The following CD86 variants were observed in gnomAD, a reference collection of about 807,000 sequenced individuals.
The protein encoded by CD86 is CD86 molecule, also known as T-lymphocyte activation antigen CD86.
In CD86, 11 loss-of-function variants were observed where a neutral mutation model predicts 32.1. The ratio of observed to expected loss-of-function variants is 0.34; its 90% CI spans 0.22 to 0.57. CD86 has a LOEUF of 0.57. Ranked by LOEUF, CD86 falls within the 20% of genes least tolerant of loss-of-function variation. The pLI is 0.86. For synonymous variants in CD86, 137 were observed against 135.3 expected, an observed-to-expected ratio of 1.01 and a Z score of -0.09; for missense variants, 359 against 398.4, an observed-to-expected ratio of 0.90 and a Z score of 0.84.
At chr3:122,118,017 A>C (rs1274526629) in intron 5 of CD86, 31 bp from the exon 6 acceptor site, 1 of 1,600,584 alleles carries the variant, frequency 6.2e-7, no homozygotes, top group Non-Finnish European at 8.6e-7. Context: ...GGAGGAATAC[A>C]TTTTTGAAGA....
rs759696095 is a variant in CD86, at chr3:122,103,651, A to G, written c.204A>G (p.Val68=). ...QDQENLVLNE[V]YLGKEKFDSV... ...AGGAAAACTTGGTTCTGAATGAGGTATACTTAGGCAAAGAGAAATTTGACA... is the reference window on the plus strand; with the variant it reads ...AGGAAAACTTGGTTCTGAATGAGGTGTACTTAGGCAAAGAGAAATTTGACA... The change falls in exon 3 of 7, where the codon GTA becomes GTG. Residue 68 remains valine (V), a synonymous_variant. Coordinates refer to ENST00000330540, the MANE Select transcript of CD86 (RefSeq NM_175862.5). 8.1e-6 allele frequency: 13 copies of G among 1,613,970 alleles called. No homozygotes were observed. Among genetic ancestry groups the G allele is most frequent in the South Asian group, 1.1e-5 (1 of 91,084 alleles).
chr3:122,065,647 A>G (rs556851204), intron 1 of CD86, among the ~76,000 whole-genome samples: 1 of 152,308 alleles, frequency 6.6e-6, no homozygotes, highest in South Asian at 2.1e-4. Context: ...CAGATGCTTG[A>G]ATCTAAGAGC....
At position 122,119,513 on chromosome 3, in the gene CD86, C is replaced by G. The variant is rs1382321791; in HGVS notation, c.969C>G (p.Asp323Glu). The G allele has an allele frequency of 6.2e-7, 1 of 1,600,610 alleles. No homozygotes were observed. Among genetic ancestry groups the G allele is most frequent in the Non-Finnish European group, 8.6e-7 (1 of 1,168,050 alleles). ...VFKSSKTSSC[D>E]KSDTCF The stretch of plus-strand genomic sequence containing the variant: ...AAAGTTCGAAGACATCTTCATGCGA[C>G]AAAAGTGATACATGTTTTTAATTAA... The change falls in exon 7 of 7, where the codon GAC becomes GAG. Residue 323 changes from aspartate to glutamate, a missense_variant. Physicochemically the swap from Asp to Glu is conservative, Grantham distance 45 (BLOSUM62 2). Transcript: ENST00000330540.
chr3:122,069,571 T>A (rs530994123), intron 1 of CD86, among the ~76,000 whole-genome samples: 1 of 152,164 alleles, frequency 6.6e-6, no homozygotes, highest in Admixed American at 6.5e-5. Flanking sequence ...CGCTAGACTG[T>A]GGTCTTTAGT....
At chr3:122,090,679 C>T (rs1165680393) in intron 1 of CD86, among the ~76,000 whole-genome samples, 2 of 152,178 alleles carry the variant, frequency 1.3e-5, no homozygotes, top group Non-Finnish European at 2.9e-5. Flanking sequence ...GTCACCTCTC[C>T]TTATTCTTTG....
intron 3 of CD86, 53 bp downstream of exon 3, chr3:122,103,900 C>T: frequency 7.1e-7 from 1 of 1,416,714 alleles, no homozygotes; most frequent in Non-Finnish European, 9.8e-7. Context: ...GATGAGACTG[C>T]AAATGAGTTA....
At chr3:122,070,127 T>C (rs924412476) in intron 1 of CD86, among the ~76,000 whole-genome samples, 4 of 152,220 alleles carry the variant, frequency 2.6e-5, no homozygotes. Flanking sequence ...ACAGACAGTC[T>C]TCTGCATTCA....
At chr3:122,118,955 C>A (rs2073300042) in intron 6 of CD86, among the ~76,000 whole-genome samples, 1 of 152,156 alleles carries the variant, frequency 6.6e-6, no homozygotes. Context: ...TGACTGCATA[C>A]CCATAGGATC....
chr3:122,101,934 G>T (rs2073016726), intron 2 of CD86, among the ~76,000 whole-genome samples: 1 of 151,976 alleles, frequency 6.6e-6, no homozygotes, highest in African/African-American at 2.4e-5. Context: ...TCTACAGGTG[G>T]TGCATTTTAT....
chr3:122,087,519 A>G lies in CD86; in HGVS notation c.15-4082A>G, dbSNP rs554002965. On this transcript the variant is annotated intron_variant, in intron 1 of 6. Transcript: ENST00000330540. ...ACACCCTCGCACACACACATCACAC[A>G]TCATGGCTAGAATGGAGAGAAATTC... 3.9e-5 allele frequency among the ~76,000 whole-genome samples: 6 copies of G among 152,314 alleles called. No individual in the cohort carries two copies. In the East Asian group the frequency reaches 1.2e-3, roughly 29 times the overall value.
intron 1 of CD86, among the ~76,000 whole-genome samples, chr3:122,068,188 A>C (rs942950486): frequency 2.0e-5 from 3 of 152,106 alleles, no homozygotes; most frequent in Admixed American, 2.0e-4. Flanking sequence ...ACCCCAATCT[A>C]TTTTATTTTA....
intron 5 of CD86, among the ~76,000 whole-genome samples, chr3:122,111,773 T>TA (rs1474752142): frequency 6.6e-6 from 1 of 152,196 alleles, no homozygotes; most frequent in Non-Finnish European, 1.5e-5. Flanking sequence ...GACACAAGCT[T>TA]ACTGATAACT....
Position 122,103,786 on chromosome 3 carries a change from T to C in CD86, c.339T>C (p.His113=), listed in dbSNP as rs2073048101. ...AGGGCTTGTATCAATGTATCATCCA[T>C]CACAAAAAGCCCACAGGAATGATTC... ...KDKGLYQCII[H]HKKPTGMIRI... Residue 113 remains histidine, a synonymous_variant, in exon 3 of 7, where the codon CAT becomes CAC. Coordinates refer to ENST00000330540, the MANE Select transcript of CD86 (RefSeq NM_175862.5). 3 of 1,614,030 alleles carry C rather than the reference T, an allele frequency of 1.9e-6. No homozygotes were observed. The highest frequency in any genetic ancestry group is 1.1e-5 in the South Asian group (1 of 91,076).
At chr3:122,090,461 T>C (rs1358876413) in intron 1 of CD86, among the ~76,000 whole-genome samples, 1 of 152,236 alleles carries the variant, frequency 6.6e-6, no homozygotes, top group Non-Finnish European at 1.5e-5. Flanking sequence ...CCTTTTTACA[T>C]TGGCTGTTAA....
intron 1 of CD86, among the ~76,000 whole-genome samples, chr3:122,061,887 T>C (rs1232516288): frequency 1.3e-5 from 2 of 152,148 alleles, no homozygotes; most frequent in Non-Finnish European, 2.9e-5. Context: ...CAAAAATCAG[T>C]ATATGAATAT....
chr3:122,113,934 AAG>A (rs1208584793), intron 5 of CD86, among the ~76,000 whole-genome samples: 1 of 152,114 alleles, frequency 6.6e-6, no homozygotes, highest in Non-Finnish European at 1.5e-5. Context: ...ATAAGGAATT[AAG>A]AGAGACTTTT....
intron 1 of CD86, among the ~76,000 whole-genome samples, chr3:122,057,500 T>C (rs890683378): frequency 1.3e-5 from 2 of 152,232 alleles, no homozygotes; most frequent in African/African-American, 2.4e-5. Flanking sequence ...TTATACATGA[T>C]ACATGTATAC....
At chr3:122,070,945 G>A (rs2072480865) in intron 1 of CD86, among the ~76,000 whole-genome samples, 1 of 152,040 alleles carries the variant, frequency 6.6e-6, no homozygotes, top group Admixed American at 6.6e-5. Context: ...GTTAGCATGT[G>A]TGTTTTTTTT....
chr3:122,101,513 A>AAAAAAAATATAT (rs1202377219), intron 2 of CD86, among the ~76,000 whole-genome samples: 1 of 46,344 alleles, frequency 2.2e-5, no homozygotes, highest in African/African-American at 8.5e-5. Context: ...AAAAAAAAAA[A>AAAAAAAATATAT]ATATATATAT....
Sources: gnomAD v4.1 joint callset for allele counts (sites outside exome capture counted in the v4.1 genomes callset) on GRCh38, gnomAD v4.1.1 for gene constraint, MANE v1.5 for transcripts, NCBI Gene and HGNC (gene_info 2026-07-23, HGNC 2026-07-21) for gene names.